FRMD4B: variants seen among roughly 807,000 people sequenced by gnomAD.
The protein encoded by FRMD4B is FERM domain containing 4B.
Under a neutral mutation model 141.5 loss-of-function variants are expected in FRMD4B, and 74 were observed. The ratio of observed to expected loss-of-function variants is 0.52; its 90% confidence interval spans 0.43 to 0.63. The LOEUF is 0.63. FRMD4B is among the 30% of genes least tolerant of loss of function. The pLI is 0.00. For missense variants in FRMD4B, 1,366 were observed against 1,253.4 expected (o/e 1.09, Z -1.36); for synonymous variants, 506 against 467.9 (o/e 1.08, Z -1.05).
chr3:69,437,488 T>G (rs1461003995), intron 1 of FRMD4B, among the ~76,000 whole-genome samples: 1 of 146,526 alleles, frequency 6.8e-6, no homozygotes, highest in Non-Finnish European at 1.5e-5. Flanking sequence ...CTATTCATAG[T>G]ATTATACATA....
At chr3:69,264,360 T>A (rs921214480) in intron 5 of FRMD4B, among the ~76,000 whole-genome samples, 10 of 152,198 alleles carry the variant, frequency 6.6e-5, no homozygotes, top group Admixed American at 4.6e-4. Context: ...ACAGCAGGTG[T>A]TCAGTATTTG....
At chr3:69,541,818 A>T (rs944305176) in intron 1 of FRMD4B, among the ~76,000 whole-genome samples, 1 of 144,640 alleles carries the variant, frequency 6.9e-6, no homozygotes, top group Non-Finnish European at 1.5e-5. Context: ...GCCTTTTAGA[A>T]GTATCTCTGG....
chr3:69,440,708 T>C (rs1401107014), intron 1 of FRMD4B, among the ~76,000 whole-genome samples: 1 of 152,120 alleles, frequency 6.6e-6, no homozygotes, highest in Non-Finnish European at 1.5e-5. Flanking sequence ...CTTGAGGGGC[T>C]AAGGCACAAG....
chr3:69,521,452 C>T (rs1459889292), intron 1 of FRMD4B, among the ~76,000 whole-genome samples: 2 of 152,186 alleles, frequency 1.3e-5, no homozygotes, highest in African/African-American at 4.8e-5. Context: ...GGCATGGTTG[C>T]AGCTTTCTAG....
chr3:69,383,616 G>A (rs1704175992), intron 1 of FRMD4B, among the ~76,000 whole-genome samples: 1 of 152,242 alleles, frequency 6.6e-6, no homozygotes, highest in South Asian at 2.1e-4. Flanking sequence ...CTGAAGTGCA[G>A]TGGGACAATT....
intron 1 of FRMD4B, among the ~76,000 whole-genome samples, chr3:69,509,172 T>C (rs1706646833): frequency 6.6e-6 from 1 of 152,110 alleles, no homozygotes; most frequent in Admixed American, 6.6e-5. Flanking sequence ...GGCCAGACGG[T>C]GAAGCAAGCT....
chr3:69,470,950 A>T (rs1705878419), intron 1 of FRMD4B, among the ~76,000 whole-genome samples: 1 of 152,224 alleles, frequency 6.6e-6, no homozygotes, highest in African/African-American at 2.4e-5. Flanking sequence ...TAGTCAAATA[A>T]TGATTAACTG....
intron 7 of FRMD4B, among the ~76,000 whole-genome samples, chr3:69,225,026 G>T (rs1157214608): frequency 1.3e-5 from 2 of 152,050 alleles, no homozygotes; most frequent in Non-Finnish European, 2.9e-5. Context: ...ATCATCTTTA[G>T]TGGCTACATA....
At chr3:69,218,170 T>G (rs187702405) in intron 10 of FRMD4B, among the ~76,000 whole-genome samples, 152 bp downstream of exon 10, 1 of 152,274 alleles carries the variant, frequency 6.6e-6, no homozygotes, top group African/African-American at 2.4e-5. Context: ...GGAAAAACAT[T>G]TTAACGTAGC....
intron 1 of FRMD4B, among the ~76,000 whole-genome samples, chr3:69,486,006 G>C (rs907410596): frequency 6.6e-6 from 1 of 152,190 alleles, no homozygotes; most frequent in African/African-American, 2.4e-5. Flanking sequence ...TCTAGATTGA[G>C]ATACAATGCA....
At chr3:69,493,579 A>G (rs2107032494) in intron 1 of FRMD4B, among the ~76,000 whole-genome samples, 1 of 152,268 alleles carries the variant, frequency 6.6e-6, no homozygotes, top group South Asian at 2.1e-4. Flanking sequence ...CACTGTATCC[A>G]AGTAGATCTC....
At position 69,409,044 on chromosome 3, in the gene FRMD4B, C is replaced by T. The variant is rs141299592; in HGVS notation, c.-1+23590G>A. On this transcript the variant is annotated intron_variant, in intron 2 of 5. Coordinates refer to the FRMD4B transcript ENST00000459638. ...AAAACACTTCCATCCTGAGGTTGTT[C>T]GTGAGGAATATATGCAGAGTGTCTA... Among the ~76,000 whole-genome samples, 1,198 of 152,196 alleles carry T rather than the reference C, an allele frequency of 7.9e-3. 42 individuals carry two copies. Among genetic ancestry groups the T allele is most frequent in the Admixed American group, 0.057 (872 of 15,284 alleles).
intron 5 of FRMD4B, among the ~76,000 whole-genome samples, chr3:69,271,677 A>G (rs2106934390): frequency 6.6e-6 from 1 of 152,332 alleles, no homozygotes; most frequent in East Asian, 1.9e-4. Flanking sequence ...ATAGTCCTTT[A>G]AAATATAATA....
chr3:69,292,873 C>A, intron 4 of FRMD4B: 2 of 166,824 alleles, frequency 1.2e-5, no homozygotes, highest in South Asian at 8.4e-5. Flanking sequence ...TTACTGTGAG[C>A]GATTTCACTA....
intron 9 of FRMD4B, among the ~76,000 whole-genome samples, chr3:69,221,425 T>G (rs183098783): frequency 9.6e-4 from 146 of 152,276 alleles, no homozygotes; most frequent in African/African-American, 3.5e-3. Flanking sequence ...GGCTTCTAGA[T>G]AGGTTTTATT....
At chr3:69,240,759 T>C (rs994420206) in intron 7 of FRMD4B, among the ~76,000 whole-genome samples, 4 of 152,212 alleles carry the variant, frequency 2.6e-5, no homozygotes, top group East Asian at 1.9e-4. Flanking sequence ...TATTGTTATG[T>C]GTTATGTTAT....
At chr3:69,434,637 G>T (rs1391436857) in intron 1 of FRMD4B, among the ~76,000 whole-genome samples, 21 of 152,166 alleles carry the variant, frequency 1.4e-4, no homozygotes, top group Admixed American at 1.3e-3. Flanking sequence ...ATGCAGGAGG[G>T]ATATGTTTTA....
intron 11 of FRMD4B, among the ~76,000 whole-genome samples, chr3:69,200,022 A>G (rs1214218312): frequency 6.6e-6 from 1 of 152,142 alleles, no homozygotes; most frequent in Non-Finnish European, 1.5e-5. Context: ...CTTCGGCTGG[A>G]TTTTAAAATT....
chr3:69,376,498 G>A (rs1375290565), intron 1 of FRMD4B, among the ~76,000 whole-genome samples: 1 of 151,634 alleles, frequency 6.6e-6, no homozygotes, highest in Non-Finnish European at 1.5e-5. Flanking sequence ...TTACATAAAA[G>A]TACCAGTTAA....
Sources: gnomAD v4.1 joint callset for allele counts (sites outside exome capture counted in the v4.1 genomes callset) on GRCh38, gnomAD v4.1.1 for gene constraint, MANE v1.5 for transcripts, NCBI Gene and HGNC (gene_info 2026-07-23, HGNC 2026-07-21) for gene names.